Variants in COG5 observed in about 807,000 individuals in gnomAD.
COG5 encodes the protein component of oligomeric golgi complex 5, also known as conserved oligomeric Golgi complex subunit 5.
COG5 carries 86 observed loss-of-function variants against 110.4 expected under a neutral mutation model. The observed-to-expected ratio is 0.78, with a 90% CI of 0.65 to 0.93. The LOEUF (loss-of-function observed/expected upper bound fraction) is 0.93. Among genes scored for constraint, COG5 ranks in the 40% least tolerant of loss-of-function variants. COG5 has a pLI of 0.00. For synonymous variants in COG5, 360 were observed against 334.6 expected, an observed-to-expected ratio of 1.08 and a Z score of -0.83; for missense variants, 1,077 against 987.0, an observed-to-expected ratio of 1.09 and a Z score of -1.22.
chr7:107,494,064 C>T (rs1037294141), intron 6 of COG5, among the ~76,000 whole-genome samples: 4 of 151,996 alleles, frequency 2.6e-5, no homozygotes, highest in Admixed American at 6.6e-5. Flanking sequence ...TTCTTATATC[C>T]GTTTGTTCTT....
chr7:107,228,874 T>A (rs1167336015), intron 19 of COG5, among the ~76,000 whole-genome samples: 1 of 152,038 alleles, frequency 6.6e-6, no homozygotes, highest in East Asian at 1.9e-4. Context: ...TTTCTTATAT[T>A]CCACCAGAAG....
intron 6 of COG5, among the ~76,000 whole-genome samples, chr7:107,459,799 G>GAAAA (rs34383052): frequency 6.9e-6 from 1 of 145,124 alleles, no homozygotes; most frequent in African/African-American, 2.6e-5. Context: ...CTGGCTCAGG[G>GAAAA]AAAAAAAAAA....
intron 14 of COG5, among the ~76,000 whole-genome samples, chr7:107,269,893 T>TGTCA (rs769345990): frequency 1.1e-4 from 17 of 152,350 alleles, no homozygotes; most frequent in Admixed American, 6.5e-4. Flanking sequence ...GTTTCAAGGA[T>TGTCA]GTCAGACTGG....
At chr7:107,509,974 G>C (rs1424239988) in intron 6 of COG5, among the ~76,000 whole-genome samples, 2 of 152,140 alleles carry the variant, frequency 1.3e-5, no homozygotes, top group Non-Finnish European at 2.9e-5. Context: ...ATCAAGGCTA[G>C]GAAGAAACTG....
At chr7:107,557,640 A>G in intron 2 of COG5, among the ~76,000 whole-genome samples, 1 of 152,156 alleles carries the variant, frequency 6.6e-6, no homozygotes, top group Non-Finnish European at 1.5e-5. Flanking sequence ...GTAACATCCC[A>G]ATTTTTCTTA....
chr7:107,448,316 C>A (rs535276765), intron 6 of COG5, among the ~76,000 whole-genome samples: 3 of 152,270 alleles, frequency 2.0e-5, no homozygotes, highest in African/African-American at 7.2e-5. Flanking sequence ...TTACCATATT[C>A]CTGAAGCTGT....
At chr7:107,462,309 C>T (rs1007778810) in intron 6 of COG5, among the ~76,000 whole-genome samples, 3 of 152,164 alleles carry the variant, frequency 2.0e-5, no homozygotes, top group African/African-American at 7.2e-5. Context: ...TCTACAGACA[C>T]AAAGGGAATT....
At chr7:107,502,399 G>A (rs1375173961) in intron 6 of COG5, among the ~76,000 whole-genome samples, 1 of 151,868 alleles carries the variant, frequency 6.6e-6, no homozygotes, top group East Asian at 1.9e-4. Context: ...TATACATCAC[G>A]TTGTCTTTAT....
chr7:107,517,435 CAGG>C (rs930716901), intron 6 of COG5, among the ~76,000 whole-genome samples: 11 of 152,192 alleles, frequency 7.2e-5, no homozygotes, highest in African/African-American at 2.6e-4. Flanking sequence ...GGATATTATC[CAGG>C]AGAACTTCCC....
intron 7 of COG5, among the ~76,000 whole-genome samples, chr7:107,389,454 T>C (rs867986626): frequency 6.6e-6 from 1 of 152,214 alleles, no homozygotes; most frequent in African/African-American, 2.4e-5. Flanking sequence ...GGCTAAATCA[T>C]GGCAAAGAAA....
At chr7:107,425,492 T>C (rs550446260) in intron 6 of COG5, among the ~76,000 whole-genome samples, 1 of 151,600 alleles carries the variant, frequency 6.6e-6, no homozygotes, top group Non-Finnish European at 1.5e-5. Context: ...TTTATTCTAT[T>C]TCTGAATTTT....
chr7:107,287,911 T>C (rs747078765), intron 12 of COG5, among the ~76,000 whole-genome samples: 2 of 152,258 alleles, frequency 1.3e-5, no homozygotes, highest in African/African-American at 4.8e-5. Context: ...GTTTACCCAT[T>C]TGTCTGTTGA....
At chr7:107,377,220 G>A (rs1016298202) in intron 7 of COG5, among the ~76,000 whole-genome samples, 4 of 151,958 alleles carry the variant, frequency 2.6e-5, no homozygotes, top group Non-Finnish European at 5.9e-5. Flanking sequence ...CCAAGGAAAG[G>A]TTTTTTTAAT....
intron 8 of COG5, among the ~76,000 whole-genome samples, chr7:107,366,516 C>T (rs190931420): frequency 6.6e-6 from 1 of 152,236 alleles, no homozygotes; most frequent in African/African-American, 2.4e-5. Context: ...CACATACACA[C>T]ACAAAAACTG....
chr7:107,232,739 C>T (rs1405357717), intron 18 of COG5, among the ~76,000 whole-genome samples: 1 of 152,024 alleles, frequency 6.6e-6, no homozygotes, highest in Non-Finnish European at 1.5e-5. Flanking sequence ...TTCCATTAAA[C>T]AATAAAGGCC....
chr7:107,246,422 C>A (rs1450024188), intron 17 of COG5, among the ~76,000 whole-genome samples: 1 of 152,102 alleles, frequency 6.6e-6, no homozygotes, highest in East Asian at 1.9e-4. Context: ...ACAGAGTAAA[C>A]AGACAATCTA....
At chr7:107,504,858 T>C (rs890996780) in intron 6 of COG5, among the ~76,000 whole-genome samples, 1 of 152,196 alleles carries the variant, frequency 6.6e-6, no homozygotes, top group Admixed American at 6.5e-5. Flanking sequence ...CCAGTTTCAT[T>C]TCTAATTGAG....
At chr7:107,437,693 C>T (rs891630721) in intron 6 of COG5, among the ~76,000 whole-genome samples, 1 of 152,054 alleles carries the variant, frequency 6.6e-6, no homozygotes, top group Non-Finnish European at 1.5e-5. Context: ...TATTAATGTA[C>T]ATCTTAATAT....
intron 10 of COG5, among the ~76,000 whole-genome samples, chr7:107,351,416 A>G (rs1812123721): frequency 6.6e-6 from 1 of 152,212 alleles, no homozygotes; most frequent in South Asian, 2.1e-4. Context: ...CTTCATGTCT[A>G]AAACACCAAA....
Sources: allele counts gnomAD v4.1 joint callset (sites outside exome capture counted in the v4.1 genomes callset), GRCh38; gene constraint gnomAD v4.1.1; transcripts MANE v1.5; gene names NCBI Gene and HGNC (gene_info 2026-07-23, HGNC 2026-07-21).